Variants in CFAP61 observed in about 807,000 individuals in gnomAD.
The protein encoded by CFAP61 is cilia and flagella associated protein 61.
CFAP61 carries 107 observed loss-of-function variants against 135.6 expected under a neutral mutation model. The observed-to-expected ratio is 0.79, with a 90% CI of 0.67 to 0.93. CFAP61 has a LOEUF of 0.93. Ranked by LOEUF, CFAP61 falls within the 40% of genes least tolerant of loss-of-function variation. CFAP61 has a pLI of 0.00. For synonymous variants in CFAP61, 575 were observed against 578.5 expected, an observed-to-expected ratio of 0.99 and a Z score of 0.09; for missense variants, 1,507 against 1,556.2, an observed-to-expected ratio of 0.97 and a Z score of 0.53.
chr20:20,348,456 G>A (rs150268442), intron 26 of CFAP61, among the ~76,000 whole-genome samples: 1,732 of 152,162 alleles, frequency 0.011, 27 homozygotes, highest in African/African-American at 0.04. Flanking sequence ...GGAAGGCCAA[G>A]GCAGGCAGAT....
chr20:20,092,685 TA>T (rs34205914), intron 7 of CFAP61, among the ~76,000 whole-genome samples: 40 of 151,634 alleles, frequency 2.6e-4, no homozygotes, highest in Non-Finnish European at 5.0e-4. Flanking sequence ...TAGACACTTT[TA>T]AAAAAAATGA....
chr20:20,052,798 A>G, intron 1 of CFAP61: 1 of 1,403,516 alleles, frequency 7.1e-7, no homozygotes, highest in Admixed American at 2.5e-5. Flanking sequence ...GGAAACTACC[A>G]TTCCCAGCAT....
intron 8 of CFAP61, among the ~76,000 whole-genome samples, chr20:20,118,261 C>G (rs112189511): frequency 0.013 from 787 of 59,208 alleles, 9 homozygotes; most frequent in African/African-American, 0.032. Context: ...ATGTTTCTTT[C>G]TTTCTTTCTT....
At chr20:20,098,082 G>A (rs188281134) in intron 7 of CFAP61, among the ~76,000 whole-genome samples, 1 of 152,314 alleles carries the variant, frequency 6.6e-6, no homozygotes, top group African/African-American at 2.4e-5. Context: ...CAGAGGGCAA[G>A]TGTTCCAATG....
intron 25 of CFAP61, among the ~76,000 whole-genome samples, chr20:20,303,093 G>T (rs1166514461): frequency 6.6e-6 from 1 of 152,136 alleles, no homozygotes; most frequent in Non-Finnish European, 1.5e-5. Flanking sequence ...GGATTTTCTT[G>T]GTCAACCTTA....
chr20:20,352,882 A>C (rs1210741124), intron 26 of CFAP61, among the ~76,000 whole-genome samples: 1 of 152,226 alleles, frequency 6.6e-6, no homozygotes, highest in East Asian at 1.9e-4. Context: ...CAAAGAAAAC[A>C]ACAGAGTGAA....
intron 17 of CFAP61, among the ~76,000 whole-genome samples, chr20:20,207,170 A>G (rs2056891830): frequency 6.6e-6 from 1 of 152,210 alleles, no homozygotes; most frequent in Admixed American, 6.5e-5. Context: ...TGGACATCTA[A>G]GAGAGCTCAG....
chr20:20,098,841 T>C (rs562995375), intron 8 of CFAP61, 27 bp downstream of exon 8: 5 of 1,594,498 alleles, frequency 3.1e-6, no homozygotes, highest in Non-Finnish European at 4.3e-6. Flanking sequence ...AGGGACACAC[T>C]GGGAAATTAA....
intron 8 of CFAP61, among the ~76,000 whole-genome samples, chr20:20,106,050 A>ATATATATATATATATATATAT: frequency 9.0e-6 from 1 of 110,728 alleles, no homozygotes; most frequent in East Asian, 2.4e-4. Flanking sequence ...ATATATATAT[A>ATATATATATATATATATATAT]AAATTTGATT....
intron 13 of CFAP61, chr20:20,171,908 C>A: frequency 3.5e-6 from 2 of 566,580 alleles, no homozygotes; most frequent in South Asian, 2.5e-5. Context: ...CTCGGAGCAC[C>A]GTAGCCACAT....
At chr20:20,152,457 T>A (rs1020088699) in intron 9 of CFAP61, among the ~76,000 whole-genome samples, 1 of 152,176 alleles carries the variant, frequency 6.6e-6, no homozygotes, top group African/African-American at 2.4e-5. Flanking sequence ...ACCAATCAAG[T>A]ATCTGCTGTC....
At chr20:20,199,984 A>G in intron 17 of CFAP61, 82 bp downstream of exon 17, 1 of 1,494,520 alleles carries the variant, frequency 6.7e-7, no homozygotes, top group South Asian at 1.2e-5. Flanking sequence ...CTGTCTTCAC[A>G]GGAGCAGGCT....
chr20:20,209,830 GTACCTGCTGCT>G (rs2047506660), intron 17 of CFAP61, among the ~76,000 whole-genome samples: 1 of 152,124 alleles, frequency 6.6e-6, no homozygotes, highest in African/African-American at 2.4e-5. Context: ...GGGAGGGGAG[GTACCTGCTGCT>G]TGGGTAGTGC....
intron 26 of CFAP61, among the ~76,000 whole-genome samples, chr20:20,349,663 A>G (rs2058760308): frequency 6.6e-6 from 1 of 152,242 alleles, no homozygotes; most frequent in Non-Finnish European, 1.5e-5. Context: ...TAAAAAGAAT[A>G]AAATACTTGG....
intron 26 of CFAP61, among the ~76,000 whole-genome samples, chr20:20,356,161 A>G (rs1355393366): frequency 2.0e-5 from 2 of 97,708 alleles, no homozygotes; most frequent in South Asian, 4.4e-4. Flanking sequence ...CACTGAGGGG[A>G]AGTGGTCACA....
chr20:20,130,733 T>C (rs1031769163), intron 8 of CFAP61, among the ~76,000 whole-genome samples: 3 of 151,784 alleles, frequency 2.0e-5, no homozygotes, highest in African/African-American at 7.3e-5. Context: ...GTGGGAAGGC[T>C]AGCTAGGGGT....
Position 20,187,971 on chromosome 20 carries a change from G to T in CFAP61, c.1427G>T (p.Gly476Val). The T allele has an allele frequency of 6.2e-7, 1 of 1,613,556 alleles. No individual in the cohort carries two copies. The highest frequency in any genetic ancestry group is 8.5e-7 in the Non-Finnish European group (1 of 1,179,550). The change falls in exon 14 of 27, where the codon GGT becomes GTT. Residue 476 changes from glycine to valine, a missense_variant. Gly to Val is a moderately radical substitution (Grantham distance 109). Transcript: ENST00000245957. Reference sequence around the variant, plus strand: ...TTTGCCACTCTCTTGGATACTCCTGGTGTGGAAAATCTTGTCAGCACCCTC... The same window carrying T: ...TTTGCCACTCTCTTGGATACTCCTGTTGTGGAAAATCTTGTCAGCACCCTC... ...IRFATLLDTP[G>V]VENLVSTLML...
At chr20:20,241,356 A>G (rs1429086487) in intron 18 of CFAP61, among the ~76,000 whole-genome samples, 2 of 152,354 alleles carry the variant, frequency 1.3e-5, no homozygotes, top group African/African-American at 4.8e-5. Context: ...TGAAGAATGT[A>G]AAAAGATTTC....
chr20:20,277,282 A>T lies in CFAP61; in HGVS notation c.2620A>T (p.Ile874Phe). The T allele has an allele frequency of 6.2e-7, 1 of 1,614,118 alleles. No homozygotes were observed. Among genetic ancestry groups the T allele is most frequent in the South Asian group, 1.1e-5 (1 of 91,070 alleles). Residue 874 changes from isoleucine (I) to phenylalanine (F), a missense_variant, in exon 22 of 27, where the codon ATC (isoleucine) becomes TTC (phenylalanine). By Grantham distance (21) the Ile-to-Phe change is conservative (BLOSUM62 0). Transcript: ENST00000245957. ...HLVQPPPAST[I>F]TCINNYSVES... Reference sequence around the variant, plus strand: ...CGTGCAGCCCCCGCCCGCCTCCACCATCACCTGCATCAACAACTACTCGGT... The same window carrying T: ...CGTGCAGCCCCCGCCCGCCTCCACCTTCACCTGCATCAACAACTACTCGGT...
Sources: gnomAD v4.1 joint callset for allele counts (sites outside exome capture counted in the v4.1 genomes callset) on GRCh38, gnomAD v4.1.1 for gene constraint, MANE v1.5 for transcripts, NCBI Gene and HGNC (gene_info 2026-07-23, HGNC 2026-07-21) for gene names.